The following KIAA1217 variants were observed in gnomAD, a reference collection of about 807,000 sequenced individuals.
KIAA1217 encodes the protein KIAA1217, also known as sickle tail protein homolog.
In KIAA1217, 88 loss-of-function variants were observed where a neutral mutation model predicts 163.9. That is an observed-to-expected ratio of 0.54 (90% CI 0.45 to 0.64). The LOEUF (loss-of-function observed/expected upper bound fraction) is 0.64. Ranked by LOEUF, KIAA1217 falls within the 30% of genes least tolerant of loss-of-function variation. KIAA1217 has a pLI of 0.00. For missense variants in KIAA1217, 2,372 were observed against 2,475.0 expected (o/e 0.96, Z 0.88); for synonymous variants, 903 against 923.1 (o/e 0.98, Z 0.39).
At chr10:24,301,943 G>T (rs1445033200) in intron 2 of KIAA1217, among the ~76,000 whole-genome samples, 2 of 152,150 alleles carry the variant, frequency 1.3e-5, no homozygotes, top group Non-Finnish European at 2.9e-5. Flanking sequence ...TACTTGGGAG[G>T]CTGAGGCAGG....
chr10:24,403,808 C>T (rs1591646142), intron 3 of KIAA1217, among the ~76,000 whole-genome samples: 3 of 152,216 alleles, frequency 2.0e-5, no homozygotes, highest in African/African-American at 7.2e-5. Flanking sequence ...TGAGGTAGCA[C>T]TACCCATGCA....
At chr10:24,040,899 A>G (rs1252977796) in intron 2 of KIAA1217, among the ~76,000 whole-genome samples, 21 of 152,236 alleles carry the variant, frequency 1.4e-4, no homozygotes, top group Non-Finnish European at 2.9e-5. Flanking sequence ...CAGTTGATCT[A>G]TGTAGGAACT....
chr10:23,777,169 G>T (rs942739458), intron 1 of KIAA1217, among the ~76,000 whole-genome samples: 11 of 152,172 alleles, frequency 7.2e-5, no homozygotes, highest in Non-Finnish European at 5.9e-5. Flanking sequence ...AGAGAAATGA[G>T]GTCAGTGCTC....
chr10:23,904,087 A>T (rs1842055726), intron 1 of KIAA1217, among the ~76,000 whole-genome samples: 1 of 152,096 alleles, frequency 6.6e-6, no homozygotes, highest in Non-Finnish European at 1.5e-5. Context: ...AAACTGAATG[A>T]CTTTTTTTTG....
chr10:24,253,997 G>A (rs1022368120), intron 2 of KIAA1217, among the ~76,000 whole-genome samples: 1 of 152,182 alleles, frequency 6.6e-6, no homozygotes, highest in Admixed American at 6.6e-5. Context: ...ATGCAATCAT[G>A]TCTGAAACAG....
intron 2 of KIAA1217, among the ~76,000 whole-genome samples, chr10:24,281,126 A>G (rs1360598881): frequency 6.6e-6 from 1 of 152,242 alleles, no homozygotes; most frequent in Non-Finnish European, 1.5e-5. Flanking sequence ...TTTACAGAAA[A>G]ATTGTGAAGA....
At chr10:23,817,856 G>A (rs1378209944) in intron 1 of KIAA1217, among the ~76,000 whole-genome samples, 1 of 150,256 alleles carries the variant, frequency 6.7e-6, no homozygotes, top group Non-Finnish European at 1.5e-5. Context: ...TTGGCAGGTT[G>A]AGGCAGGAGG....
chr10:24,201,863 G>A (rs548913731), intron 2 of KIAA1217, among the ~76,000 whole-genome samples: 2 of 152,314 alleles, frequency 1.3e-5, no homozygotes, highest in Admixed American at 1.3e-4. Context: ...GCAAAGCAGG[G>A]GCTACAGTGA....
chr10:23,936,185 G>A (rs1043882661), intron 1 of KIAA1217, among the ~76,000 whole-genome samples: 1 of 152,138 alleles, frequency 6.6e-6, no homozygotes, highest in African/African-American at 2.4e-5. Context: ...ATTCCAGTCA[G>A]CTCCTGGGGT....
At chr10:24,249,143 T>C (rs1462046289) in intron 2 of KIAA1217, among the ~76,000 whole-genome samples, 2 of 152,250 alleles carry the variant, frequency 1.3e-5, no homozygotes, top group Non-Finnish European at 2.9e-5. Flanking sequence ...TCTCAAAAGC[T>C]ACTTTTGAAA....
At chr10:24,395,493 A>G (rs1246401814) in intron 3 of KIAA1217, among the ~76,000 whole-genome samples, 1 of 152,170 alleles carries the variant, frequency 6.6e-6, no homozygotes, top group East Asian at 1.9e-4. Context: ...GATATCATTC[A>G]TGGTGTGGAC....
chr10:23,765,594 T>C (rs1187550535), intron 1 of KIAA1217, among the ~76,000 whole-genome samples: 1 of 152,162 alleles, frequency 6.6e-6, no homozygotes, highest in Non-Finnish European at 1.5e-5. Flanking sequence ...GGGAGGGATA[T>C]GCTGGGAAGT....
At chr10:23,801,379 G>A (rs1225588506) in intron 1 of KIAA1217, among the ~76,000 whole-genome samples, 1 of 152,178 alleles carries the variant, frequency 6.6e-6, no homozygotes, top group African/African-American at 2.4e-5. Context: ...TAATGTAGAT[G>A]ATGGGATGAT....
intron 2 of KIAA1217, among the ~76,000 whole-genome samples, chr10:24,234,135 A>G (rs1268552607): frequency 6.6e-6 from 1 of 152,148 alleles, no homozygotes; most frequent in East Asian, 1.9e-4. Context: ...TCCAAAATGA[A>G]ATGTTCCCAA....
At chr10:24,453,636 G>T (rs774177124) in intron 5 of KIAA1217, among the ~76,000 whole-genome samples, 12 of 152,210 alleles carry the variant, frequency 7.9e-5, no homozygotes, top group Non-Finnish European at 1.6e-4. Flanking sequence ...GTGGCAAATA[G>T]CTCCTGCAGT....
chr10:24,461,878 C>A (rs957666806), intron 5 of KIAA1217, among the ~76,000 whole-genome samples: 4 of 152,206 alleles, frequency 2.6e-5, no homozygotes, highest in African/African-American at 9.6e-5. Flanking sequence ...GCGATGGAGA[C>A]CCTGTGCCTC....
chr10:24,403,594 A>G (rs1591644794), intron 3 of KIAA1217, among the ~76,000 whole-genome samples: 1 of 152,356 alleles, frequency 6.6e-6, no homozygotes, highest in East Asian at 1.9e-4. Context: ...AAATATTTGT[A>G]AACCACATCT....
At chr10:24,288,006 G>A (rs1415788389) in intron 2 of KIAA1217, among the ~76,000 whole-genome samples, 1 of 152,194 alleles carries the variant, frequency 6.6e-6, no homozygotes, top group African/African-American at 2.4e-5. Flanking sequence ...GCCTGCAGAA[G>A]AACTGAGCTG....
At chr10:24,036,153 C>A (rs939031612) in intron 2 of KIAA1217, among the ~76,000 whole-genome samples, 1 of 152,214 alleles carries the variant, frequency 6.6e-6, no homozygotes, top group South Asian at 2.1e-4. Context: ...TAAGCCAGGG[C>A]AGCTCAGGCA....
Sources: allele counts gnomAD v4.1 joint callset (sites outside exome capture counted in the v4.1 genomes callset), GRCh38; gene constraint gnomAD v4.1.1; transcripts MANE v1.5; gene names NCBI Gene and HGNC (gene_info 2026-07-23, HGNC 2026-07-21).